The following PSG8 variants were observed in gnomAD, a reference collection of about 807,000 sequenced individuals.
PSG8 encodes pregnancy specific beta-1-glycoprotein 8, also known as pregnancy-specific beta-1-glycoprotein 8.
PSG8 carries 57 observed loss-of-function variants against 42.5 expected under a neutral mutation model. The observed-to-expected ratio is 1.34, with a 90% CI of 1.08 to 1.67. The LOEUF is 1.67. PSG8 is among the 40% of genes most tolerant of loss of function. The pLI is 0.00. For synonymous variants in PSG8, 280 were observed against 196.8 expected (o/e 1.42, Z -3.54); for missense variants, 783 against 518.6 (o/e 1.51, Z -4.95).
Position 42,754,273 on chromosome 19 carries a change from C to T in PSG8, c.*22G>A, listed in dbSNP as rs771993086. 6.2e-7 allele frequency: 1 copy of T among 1,609,486 alleles called. No homozygotes were observed. Among genetic ancestry groups the T allele is most frequent in the Non-Finnish European group, 8.5e-7 (1 of 1,177,724 alleles). Reference sequence around the variant, plus strand: ...ATAAAAATGTTTTCCTGACTCTTCCCTGAAGGCCAGATAGACTCCACCTAA... The same window carrying T: ...ATAAAAATGTTTTCCTGACTCTTCCTTGAAGGCCAGATAGACTCCACCTAA... On this transcript the variant is annotated 3_prime_UTR_variant, in exon 5 of 5. Transcript: ENST00000306511.
At chr19:42,763,710 G>A (rs1456212565) in intron 2 of PSG8, 2 of 977,064 alleles carry the variant, frequency 2.0e-6, no homozygotes, top group Admixed American at 2.0e-5. Context: ...TGCAGCGAGT[G>A]TCTGCAGGGT....
chr19:42,761,563 G>T (rs1291043666), intron 2 of PSG8, among the ~76,000 whole-genome samples: 5 of 152,030 alleles, frequency 3.3e-5, no homozygotes, highest in Non-Finnish European at 7.4e-5. Context: ...ATGACTAATG[G>T]CTCAGCCAGT....
In PSG8 at chr19:42,763,986, G is replaced by A. The variant is rs778265919; in HGVS notation, c.360C>T (p.Tyr120=). ...CACCTCCCATTATGATGTGTAAGGT[G>A]TAGGATCCTGCGTCTTCCTGGGTGA... The part of the protein sequence containing the change: ...QNVTQEDAGS[Y]TLHIIMGGDE... The change falls in exon 2 of 5, where the codon TAC becomes TAT. Residue 120 remains tyrosine, a synonymous_variant. Transcript: ENST00000306511. The A allele has an allele frequency of 2.5e-6, 4 of 1,611,108 alleles. No homozygotes were observed. The highest frequency in any genetic ancestry group is 3.4e-6 in the Non-Finnish European group (4 of 1,179,452).
Position 42,761,504 on chromosome 19 carries a change from G to A in PSG8, c.430+2412C>T, listed in dbSNP as rs567225510. ...GAACGTGAGATTGGTCTTTTGAGATGTTTCTCATTCTTTTGCATTCTGGCA... is the reference window on the plus strand; with the variant it reads ...GAACGTGAGATTGGTCTTTTGAGATATTTCTCATTCTTTTGCATTCTGGCA... On this transcript the variant is annotated intron_variant, in intron 2 of 4. Transcript: ENST00000306511. Among the ~76,000 whole-genome samples the A allele has an allele frequency of 1.3e-4, 20 of 152,228 alleles. No homozygotes were observed. In the South Asian group the frequency reaches 3.7e-3, roughly 28 times the overall value.
chr19:42,754,755 C>T, intron 4 of PSG8, 168 bp from the exon 5 acceptor site: 3 of 1,348,240 alleles, frequency 2.2e-6, no homozygotes, highest in South Asian at 1.5e-5. Flanking sequence ...CCTGTTTCTC[C>T]CATCACAAGC....
chr19:42,754,846 C>T, intron 4 of PSG8, 142 bp downstream of exon 4: 1 of 1,516,110 alleles, frequency 6.6e-7, no homozygotes, highest in African/African-American at 1.4e-5. Flanking sequence ...CAGGTTTTCC[C>T]AGGGCAGGGA....
At chr19:42,764,892 C>T (rs1241177941) in intron 1 of PSG8, among the ~76,000 whole-genome samples, 6 of 151,968 alleles carry the variant, frequency 3.9e-5, no homozygotes, top group Non-Finnish European at 8.8e-5. Flanking sequence ...TTTTTTCCCC[C>T]CAATTGTTGA....
intron 3 of PSG8, among the ~76,000 whole-genome samples, chr19:42,757,037 G>T (rs868403435): frequency 1.6e-4 from 25 of 152,000 alleles, no homozygotes; most frequent in Middle Eastern, 3.4e-3. Flanking sequence ...AGTTTTCAGG[G>T]TATAATCATT....
rs767117322 is a variant in PSG8 at position 42,754,332 on chromosome 19, C to G, written c.1244G>C (p.Gly415Ala). ...TGCCAAGGATACTGGGATCCGCTTA[C>G]CAGAGACTTTTACTGTCATGGATTT... Reference protein sequence around the residue: ...SSKSMTVKVSGKRIPVSLAIG... With the variant: ...SSKSMTVKVSAKRIPVSLAIG... The change falls in exon 5 of 5, where the codon GGT (glycine) becomes GCT (alanine). Residue 415 changes from glycine (G) to alanine (A), a missense_variant. By Grantham distance (60) the Gly-to-Ala change is moderately conservative. Transcript: ENST00000306511. The G allele has an allele frequency of 3.7e-5, 59 of 1,613,770 alleles. 1 individual carries two copies. In the South Asian group the frequency reaches 6.5e-4, roughly 18 times the overall value.
chr19:42,753,642 G>C (rs1387818589), downstream of PSG8, among the ~76,000 whole-genome samples: 1 of 152,156 alleles, frequency 6.6e-6, no homozygotes, highest in East Asian at 1.9e-4. Context: ...TTTTTATAAG[G>C]AATCTGAGAT....
At chr19:42,759,348 G>C (rs1162032358) in intron 2 of PSG8, among the ~76,000 whole-genome samples, 1 of 152,128 alleles carries the variant, frequency 6.6e-6, no homozygotes, top group East Asian at 1.9e-4. Flanking sequence ...GTTGTTCCAT[G>C]GTTGTGCAGT....
chr19:42,761,166 C>T (rs184295776), intron 2 of PSG8, among the ~76,000 whole-genome samples: 6 of 152,306 alleles, frequency 3.9e-5, no homozygotes, highest in East Asian at 3.9e-4. Context: ...CTCCATCTGG[C>T]ATCTAGTCTC....
chr19:42,757,025 G>A (rs564187247), intron 3 of PSG8, among the ~76,000 whole-genome samples: 18 of 152,018 alleles, frequency 1.2e-4, no homozygotes, highest in African/African-American at 3.6e-4. Flanking sequence ...GCAATCTTTT[G>A]TAGTTTTCAG....
Position 42,754,571 on chromosome 19 carries a change from G to C in PSG8, c.1005C>G (p.Pro335=). The C allele has an allele frequency of 6.2e-7, 1 of 1,613,252 alleles. No homozygotes were observed. The highest frequency in any genetic ancestry group is 1.7e-5 in the Admixed American group (1 of 59,950). ...AATAGGTGAATGAAGGGTAAATTCT[G>C]GGGAGGTCTGGACCATCTGGAGCAA... The part of the protein sequence containing the change: ...TLNVLYGPDL[P]RIYPSFTYYR... The change falls in exon 5 of 5, where the codon CCC becomes CCG. Residue 335 remains proline, a synonymous_variant. Transcript: ENST00000306511.
At chr19:42,759,754 T>G (rs1285438674) in intron 2 of PSG8, among the ~76,000 whole-genome samples, 2 of 152,184 alleles carry the variant, frequency 1.3e-5, no homozygotes, top group Non-Finnish European at 2.9e-5. Flanking sequence ...AACATTAAAA[T>G]GTTTTCATGA....
intron 3 of PSG8, 182 bp from the exon 4 acceptor site, chr19:42,755,448 A>G: frequency 7.8e-7 from 1 of 1,287,288 alleles, no homozygotes; most frequent in East Asian, 2.4e-5. Flanking sequence ...CTATGAGGCC[A>G]GCTGCTCTGT....
At chr19:42,757,356 C>A (rs1175853073) in intron 3 of PSG8, among the ~76,000 whole-genome samples, 2 of 152,138 alleles carry the variant, frequency 1.3e-5, no homozygotes, top group African/African-American at 4.8e-5. Context: ...GACTATGATC[C>A]TCTTGATTAT....
intron 2 of PSG8, among the ~76,000 whole-genome samples, chr19:42,761,820 ATTTTTTTTTTTTTTTTTTT>A (rs58868359): frequency 2.8e-5 from 2 of 70,424 alleles, no homozygotes; most frequent in South Asian, 6.9e-4. Flanking sequence ...CATTTCAATA[ATTTTTTTTTTTTTTTTTTT>A]TTTTTTTTTT....
intron 2 of PSG8, among the ~76,000 whole-genome samples, chr19:42,762,713 G>C (rs904015388): frequency 6.6e-6 from 1 of 151,920 alleles, no homozygotes; most frequent in Admixed American, 6.6e-5. Context: ...ATCTGAGGGG[G>C]AGGCCTGGAC....
Sources: gnomAD v4.1 joint callset for allele counts (sites outside exome capture counted in the v4.1 genomes callset) on GRCh38, gnomAD v4.1.1 for gene constraint, MANE v1.5 for transcripts, NCBI Gene and HGNC (gene_info 2026-07-23, HGNC 2026-07-21) for gene names.